The following PIK3CD variants were observed in gnomAD, a reference collection of about 807,000 sequenced individuals.
PIK3CD encodes phosphatidylinositol-4,5-bisphosphate 3-kinase catalytic subunit delta, also known as phosphatidylinositol 4,5-bisphosphate 3-kinase catalytic subunit delta isoform.
Under a neutral mutation model 122.9 loss-of-function variants are expected in PIK3CD, and 20 were observed. That is an observed-to-expected ratio of 0.16 (90% CI 0.11 to 0.24). The LOEUF (loss-of-function observed/expected upper bound fraction) is 0.24, where lower values mean the gene tolerates loss of function less well. PIK3CD is among the 10% of genes least tolerant of loss of function. The probability of loss-of-function intolerance (pLI) is 1.00; values close to 1 mark genes in which losing one functional copy is unlikely to be tolerated. For missense variants in PIK3CD, 787 were observed against 1,406.3 expected (o/e 0.56, Z 7.04); for synonymous variants, 596 against 593.4 (o/e 1.00, Z -0.06).
chr1:9,702,425 T>A (rs909370868), intron 2 of PIK3CD, among the ~76,000 whole-genome samples: 1 of 149,090 alleles, frequency 6.7e-6, no homozygotes, highest in Non-Finnish European at 1.5e-5. Context: ...GACTCCTCTG[T>A]GTGCCTCTAG....
In PIK3CD at chr1:9,720,392, C is replaced by T. The variant is rs565195303; in HGVS notation, c.1470+150C>T. 2.7e-4 allele frequency: 366 copies of T among 1,369,420 alleles called. 3 individuals are homozygous for T. The East Asian group carries it at 5.9e-3, about 22-fold the overall frequency. 84.8% of individuals were successfully genotyped at this position (1,369,420 alleles called of 1,614,324 possible). On this transcript the variant is annotated intron_variant, in intron 11 of 23. Coordinates refer to ENST00000377346, the MANE Select transcript of PIK3CD (RefSeq NM_005026.5). This position sits in a 1 kb window ranked among gnomAD's most constrained non-coding sequence, Gnocchi z 9.0. ...GCCTTCCCAGGGGCCATTTTGCCTG[C>T]AGGGATGCTGCGCAGTCTGATGACA...
chr1:9,674,534 A>G (rs765783876), intron 1 of PIK3CD, among the ~76,000 whole-genome samples: 1 of 151,912 alleles, frequency 6.6e-6, no homozygotes, highest in Non-Finnish European at 1.5e-5. Context: ...TACTAAAAAT[A>G]CAAAAATTAG....
chr1:9,678,900 T>C (rs1645640452), intron 1 of PIK3CD, among the ~76,000 whole-genome samples: 3 of 152,116 alleles, frequency 2.0e-5, no homozygotes, highest in South Asian at 2.1e-4. Flanking sequence ...CCTGCGTCTT[T>C]GGGTGACTCT....
rs1557674532 is a variant in PIK3CD, at chr1:9,723,319, C to T, written c.2594+27C>T. 1 of 1,612,580 alleles carries T rather than the reference C, an allele frequency of 6.2e-7. No homozygotes were observed. Among genetic ancestry groups the T allele is most frequent in the Non-Finnish European group, 8.5e-7 (1 of 1,178,962 alleles). On this transcript the variant is annotated intron_variant, in intron 20 of 23. Coordinates refer to ENST00000377346, the MANE Select transcript of PIK3CD (RefSeq NM_005026.5). This position sits in a 1 kb window ranked among gnomAD's most constrained non-coding sequence, Gnocchi z 4.9. ...TGGGTTTCAGGCCCAGGGATAGGTTCCCTCTCCTTTCCAAGAGGTGTGGAG... is the reference window on the plus strand; with the variant it reads ...TGGGTTTCAGGCCCAGGGATAGGTTTCCTCTCCTTTCCAAGAGGTGTGGAG...
rs1376717280 is a variant in PIK3CD, at chr1:9,721,736, G to A, written c.1956-25G>A. The A allele has an allele frequency of 2.5e-6, 4 of 1,610,876 alleles. No homozygotes were observed. The African/African-American group carries it at 5.3e-5, about 22-fold the overall frequency. Reference sequence around the variant, plus strand: ...GGGCTGCGTGGTGCTGCCTGGTGAGGCTCAGCCCTCCCTTCACCTTCCAGC... The same window carrying A: ...GGGCTGCGTGGTGCTGCCTGGTGAGACTCAGCCCTCCCTTCACCTTCCAGC... On this transcript the variant is annotated intron_variant, in intron 15 of 23. Coordinates refer to ENST00000377346, the MANE Select transcript of PIK3CD (RefSeq NM_005026.5).
Position 9,689,028 on chromosome 1 carries a change from G to A in PIK3CD, c.-137-2439G>A, listed in dbSNP as rs1367825286. 2.6e-5 allele frequency among the ~76,000 whole-genome samples: 4 copies of A among 152,250 alleles called. No homozygotes were observed. Among genetic ancestry groups the A allele is most frequent in the African/African-American group, 9.6e-5 (4 of 41,480 alleles). ...CCCATCAGCTAGGGAACAGCCAGCA[G>A]GCTGGATTTGAGCCCAGAGCCCGGG... On this transcript the variant is annotated intron_variant, in intron 1 of 23. Transcript: ENST00000377346. The surrounding 1 kb of genome is among the most constrained non-coding windows in gnomAD (Gnocchi z 6.1).
chr1:9,720,221 G>T lies in PIK3CD; in HGVS notation c.1449G>T (p.Val483=). ...TGCCCGAGGTGGCCCCGCACCCCGT[G>T]TACTACCCCGCCCTGGAGAAGGTCA... is the stretch of plus-strand genomic sequence containing the variant. ...ICLPEVAPHP[V]YYPALEKILE... The change falls in exon 11 of 24, where the codon GTG becomes GTT. Residue 483 remains valine (V), a synonymous_variant. Transcript: ENST00000377346. This position sits in a 1 kb window ranked among gnomAD's most constrained non-coding sequence, Gnocchi z 9.0. The T allele has an allele frequency of 6.2e-7, 1 of 1,608,856 alleles. No individual in the cohort carries two copies. The highest frequency in any genetic ancestry group is 8.5e-7 in the Non-Finnish European group (1 of 1,176,880).
At chr1:9,726,344 T>TA (rs542264110) in intron 23 of PIK3CD, among the ~76,000 whole-genome samples, 2 of 151,136 alleles carry the variant, frequency 1.3e-5, no homozygotes, top group African/African-American at 4.9e-5. Flanking sequence ...CCGTCTCTAC[T>TA]AAAAAATACA....
At chr1:9,663,009 A>G (rs1019640234) in intron 1 of PIK3CD, among the ~76,000 whole-genome samples, 9 of 151,994 alleles carry the variant, frequency 5.9e-5, no homozygotes, top group African/African-American at 2.2e-4. Context: ...TTCTTTATCA[A>G]ACTATTGCTC....
chr1:9,628,508 G>A, the PIK3CD span, among the ~76,000 whole-genome samples: 12 of 152,314 alleles, frequency 7.9e-5, no homozygotes, highest in Non-Finnish European at 8.8e-5. Flanking sequence ...ACCGGCCTCC[G>A]CTGTGGTCTA....
At chr1:9,703,235 C>A (rs928792617) in intron 2 of PIK3CD, among the ~76,000 whole-genome samples, 1 of 152,244 alleles carries the variant, frequency 6.6e-6, no homozygotes, top group African/African-American at 2.4e-5. Context: ...ATCCTGGAAT[C>A]CTATAGTCAG....
chr1:9,627,895 C>G, the PIK3CD span, among the ~76,000 whole-genome samples: 2 of 152,188 alleles, frequency 1.3e-5, no homozygotes, highest in Non-Finnish European at 2.9e-5. Context: ...GGAACAGAGG[C>G]CGCGGGTGGC....
chr1:9,629,965 C>T, the PIK3CD span, among the ~76,000 whole-genome samples: 19 of 152,134 alleles, frequency 1.2e-4, no homozygotes, highest in African/African-American at 4.3e-4. Flanking sequence ...GAAGGAAGCC[C>T]GGGGGTCAGA....
intron 1 of PIK3CD, among the ~76,000 whole-genome samples, chr1:9,671,559 T>G (rs1400207293): frequency 6.6e-6 from 1 of 152,188 alleles, no homozygotes; most frequent in Non-Finnish European, 1.5e-5. Context: ...GTAGTAAGCT[T>G]TATTCATCCA....
chr1:9,654,512 C>A, intron 1 of PIK3CD: 3 of 949,622 alleles, frequency 3.2e-6, no homozygotes, highest in Non-Finnish European at 3.0e-6. Flanking sequence ...GCACAACTGT[C>A]CGATGGAATT....
chr1:9,637,390 A>T, the PIK3CD span, among the ~76,000 whole-genome samples: 1 of 152,136 alleles, frequency 6.6e-6, no homozygotes, highest in African/African-American at 2.4e-5. Flanking sequence ...TTAGCTAGGC[A>T]TGGTGGTGTG....
chr1:9,668,446 T>C (rs1486214970), intron 1 of PIK3CD, among the ~76,000 whole-genome samples: 2 of 152,030 alleles, frequency 1.3e-5, no homozygotes, highest in Admixed American at 6.6e-5. Flanking sequence ...TTATTCTTTT[T>C]TTTTTTTTTG....
rs1166760914 is a variant in PIK3CD at position 9,719,218 on chromosome 1, C to A, written c.1242+303C>A. Among the ~76,000 whole-genome samples, 1 of 152,238 alleles carries A rather than the reference C, an allele frequency of 6.6e-6. No individual in the cohort carries two copies. The highest frequency in any genetic ancestry group is 2.4e-5 in the African/African-American group (1 of 41,468). On this transcript the variant is annotated intron_variant, in intron 9 of 23. Transcript: ENST00000377346. This position sits in a 1 kb window ranked among gnomAD's most constrained non-coding sequence, Gnocchi z 5.5. Reference sequence around the variant, plus strand: ...GACAAGCACAGTGTCATCCCTGGAGCAGAAAAGCCTGAGTCAGCGGCTGGC... The same window carrying A: ...GACAAGCACAGTGTCATCCCTGGAGAAGAAAAGCCTGAGTCAGCGGCTGGC...
At position 9,718,762 on chromosome 1, in the gene PIK3CD, G is replaced by A; in HGVS notation, c.1089G>A (p.Val363=). 1 of 1,610,594 alleles carries A rather than the reference G, an allele frequency of 6.2e-7. No homozygotes were observed. The highest frequency in any genetic ancestry group is 8.5e-7 in the Non-Finnish European group (1 of 1,179,960). The part of the protein sequence containing the change: ...MLCKTVSSSE[V]SVCSEPVWKQ... Reference sequence around the variant, plus strand: ...GCAAGACGGTGTCCAGCTCGGAGGTGAGCGTGTGCTCGGAGCCCGTGTGGA... The same window carrying A: ...GCAAGACGGTGTCCAGCTCGGAGGTAAGCGTGTGCTCGGAGCCCGTGTGGA... The change falls in exon 9 of 24, where the codon GTG becomes GTA. Residue 363 remains valine, a synonymous_variant. Coordinates refer to ENST00000377346, the MANE Select transcript of PIK3CD (RefSeq NM_005026.5). This position sits in a 1 kb window ranked among gnomAD's most constrained non-coding sequence, Gnocchi z 7.2.
Sources: allele counts gnomAD v4.1 joint callset (sites outside exome capture counted in the v4.1 genomes callset), GRCh38; gene constraint gnomAD v4.1.1; non-coding constraint Gnocchi (gnomAD v3.1); transcripts MANE v1.5; gene names NCBI Gene and HGNC (gene_info 2026-07-23, HGNC 2026-07-21).